PCSK5: variants seen among roughly 807,000 people sequenced by gnomAD.
The protein encoded by PCSK5 is proprotein convertase subtilisin/kexin type 5.
In PCSK5, 129 loss-of-function variants were observed where a neutral mutation model predicts 233.2. The ratio of observed to expected loss-of-function variants is 0.55; its 90% CI spans 0.48 to 0.64. The LOEUF is 0.64. PCSK5 is among the 30% of genes least tolerant of loss of function. The pLI, the probability that PCSK5 is intolerant of heterozygous loss-of-function variation, is 0.00. For synonymous variants in PCSK5, 825 were observed against 879.2 expected, an observed-to-expected ratio of 0.94 and a Z score of 1.09; for missense variants, 2,076 against 2,430.1, an observed-to-expected ratio of 0.85 and a Z score of 3.06.
intron 5 of PCSK5, among the ~76,000 whole-genome samples, chr9:76,030,483 A>G (rs1165585143): frequency 6.6e-6 from 1 of 152,206 alleles, no homozygotes; most frequent in African/African-American, 2.4e-5. Context: ...ACACACAATA[A>G]TCCAACATAA....
Position 76,060,090 on chromosome 9 carries a change from A to G in PCSK5, c.633-7865A>G, listed in dbSNP as rs546480365. Among the ~76,000 whole-genome samples, 10 of 152,328 alleles carry G rather than the reference A, an allele frequency of 6.6e-5. No homozygotes were observed. The South Asian group carries it at 2.1e-3, about 32-fold the overall frequency. On this transcript the variant is annotated intron_variant, in intron 5 of 37. Transcript: ENST00000674117. ...TGAAATGTTCTTCAGAAAGAAATCA[A>G]TGATCCAAGAGGGAAGTATGAGCTG...
intron 5 of PCSK5, among the ~76,000 whole-genome samples, chr9:76,064,141 C>T (rs1830155612): frequency 3.1e-5 from 4 of 127,896 alleles, no homozygotes; most frequent in African/African-American, 3.5e-5. Context: ...AGGGCTGACC[C>T]CCCCACCTCC....
chr9:75,972,037 C>T (rs1825832279), intron 2 of PCSK5, among the ~76,000 whole-genome samples: 1 of 151,658 alleles, frequency 6.6e-6, no homozygotes, highest in Non-Finnish European at 1.5e-5. Flanking sequence ...AGATTTTCTT[C>T]TATGAGTTAA....
At position 75,960,075 on chromosome 9, in the gene PCSK5, A is replaced by G. The variant is rs527523534; in HGVS notation, c.298-26057A>G. 3.3e-5 allele frequency among the ~76,000 whole-genome samples: 5 copies of G among 152,216 alleles called. No homozygotes were observed. The South Asian group carries it at 6.2e-4, about 19-fold the overall frequency. ...ACATTTGTAATCCTACCTGTGTTCT[A>G]TGATGGAGACAGAAGTGTAACTAAC... is the stretch of plus-strand genomic sequence containing the variant. On this transcript the variant is annotated intron_variant, in intron 2 of 37. Coordinates refer to ENST00000674117, the MANE Select transcript of PCSK5 (RefSeq NM_001372043.1).
At chr9:75,999,688 C>T (rs1236216132) in intron 3 of PCSK5, among the ~76,000 whole-genome samples, 2 of 152,182 alleles carry the variant, frequency 1.3e-5, no homozygotes, top group Non-Finnish European at 2.9e-5. Context: ...CCAGCTTGGG[C>T]GTTAGAGCCA....
intron 5 of PCSK5, among the ~76,000 whole-genome samples, chr9:76,054,597 A>G (rs1219591397): frequency 6.6e-6 from 1 of 152,222 alleles, no homozygotes; most frequent in Non-Finnish European, 1.5e-5. Flanking sequence ...ACTGAAATCT[A>G]CTTGAATTAC....
At chr9:75,955,145 C>T (rs928471855) in intron 2 of PCSK5, among the ~76,000 whole-genome samples, 1 of 152,122 alleles carries the variant, frequency 6.6e-6, no homozygotes, top group African/African-American at 2.4e-5. Context: ...ATCGATGCTT[C>T]CGACAAACTT....
intron 20 of PCSK5, among the ~76,000 whole-genome samples, chr9:76,217,307 G>A (rs1015333675): frequency 7.9e-5 from 12 of 152,214 alleles, no homozygotes; most frequent in South Asian, 2.1e-4. Flanking sequence ...TGAGTTGAGC[G>A]TTGAGTGTTT....
At chr9:76,268,162 G>T (rs1280553386) in intron 24 of PCSK5, among the ~76,000 whole-genome samples, 1 of 152,158 alleles carries the variant, frequency 6.6e-6, no homozygotes, top group Non-Finnish European at 1.5e-5. Context: ...TCCTAGTGCT[G>T]CTTCTAAGTT....
chr9:76,192,816 A>G (rs900658594), intron 20 of PCSK5, among the ~76,000 whole-genome samples: 3 of 152,186 alleles, frequency 2.0e-5, no homozygotes, highest in African/African-American at 7.2e-5. Flanking sequence ...AATATGAAGC[A>G]TCTTTTCCTT....
chr9:76,096,211 A>ACT (rs1831506586), intron 8 of PCSK5, 109 bp downstream of exon 8: 2 of 684,588 alleles, frequency 2.9e-6, no homozygotes, highest in Non-Finnish European at 5.0e-6. Flanking sequence ...ACACACACAC[A>ACT]CACAGAAGTA....
intron 24 of PCSK5, among the ~76,000 whole-genome samples, chr9:76,284,699 A>C (rs1044143887): frequency 6.6e-6 from 1 of 151,662 alleles, no homozygotes; most frequent in Non-Finnish European, 1.5e-5. Flanking sequence ...TGCCCAGCTA[A>C]TTTTGTATTT....
At chr9:75,899,543 C>G (rs1211580722) in intron 1 of PCSK5, among the ~76,000 whole-genome samples, 3 of 152,184 alleles carry the variant, frequency 2.0e-5, no homozygotes, top group Admixed American at 2.0e-4. Context: ...TCCTCCCTCT[C>G]CTCACCCCGG....
chr9:75,931,641 T>A (rs1823806103), intron 1 of PCSK5, among the ~76,000 whole-genome samples: 1 of 152,186 alleles, frequency 6.6e-6, no homozygotes, highest in African/African-American at 2.4e-5. Context: ...TTTCCCAAAG[T>A]GGACAGGGGC....
intron 24 of PCSK5, among the ~76,000 whole-genome samples, chr9:76,263,187 A>C (rs1020480219): frequency 6.6e-5 from 10 of 152,122 alleles, no homozygotes; most frequent in Non-Finnish European, 1.5e-4. Flanking sequence ...GTGGGACTGT[A>C]AACTAGTTCA....
chr9:75,953,646 C>CTGTG lies in PCSK5; in HGVS notation c.297+21181_297+21184dup, dbSNP rs34234415. ...TATTGGCGTGCATATGTGTGTGTGT[C>CTGTG]TGTGTGTGTGTGTGTGTGTGTTTAC... On this transcript the variant is annotated intron_variant, in intron 2 of 37. Coordinates refer to ENST00000674117, the MANE Select transcript of PCSK5 (RefSeq NM_001372043.1). Among the ~76,000 whole-genome samples, 369 of 149,784 alleles carry CTGTG rather than the reference C, an allele frequency of 2.5e-3. 2 individuals are homozygous for CTGTG. Among genetic ancestry groups the CTGTG allele is most frequent in the East Asian group, 7.5e-3 (38 of 5,070 alleles).
At chr9:76,106,580 C>T (rs1831987736) in intron 8 of PCSK5, among the ~76,000 whole-genome samples, 1 of 152,196 alleles carries the variant, frequency 6.6e-6, no homozygotes, top group Non-Finnish European at 1.5e-5. Flanking sequence ...CTAATTTTCT[C>T]TAATATACAA....
At chr9:75,976,766 T>C (rs1391101454) in intron 2 of PCSK5, among the ~76,000 whole-genome samples, 1 of 151,726 alleles carries the variant, frequency 6.6e-6, no homozygotes, top group Admixed American at 6.6e-5. Context: ...TAAATATTAA[T>C]ATTTAATATC....
At chr9:76,140,644 A>G (rs1166183348) in intron 10 of PCSK5, among the ~76,000 whole-genome samples, 1 of 152,090 alleles carries the variant, frequency 6.6e-6, no homozygotes, top group African/African-American at 2.4e-5. Context: ...ATATGGCATC[A>G]AAGTTTTTAA....
Sources: allele counts gnomAD v4.1 joint callset (sites outside exome capture counted in the v4.1 genomes callset), GRCh38; gene constraint gnomAD v4.1.1; transcripts MANE v1.5; gene names NCBI Gene and HGNC (gene_info 2026-07-23, HGNC 2026-07-21).